Variants in LYPLAL1 observed in about 807,000 individuals in gnomAD.
LYPLAL1 encodes the protein lysophospholipase like 1.
LYPLAL1 carries 23 observed loss-of-function variants against 19.7 expected under a neutral mutation model. The observed-to-expected ratio is 1.17, with a 90% confidence interval of 0.84 to 1.65. The LOEUF is 1.65. LYPLAL1 is among the 40% of genes most tolerant of loss of function. The pLI, the probability that LYPLAL1 is intolerant of heterozygous loss-of-function variation, is 0.00. For synonymous variants in LYPLAL1, 119 were observed against 96.3 expected (o/e 1.24, Z -1.38); for missense variants, 355 against 279.4 (o/e 1.27, Z -1.93).
the LYPLAL1 span, among the ~76,000 whole-genome samples, chr1:219,363,772 G>A: frequency 6.6e-6 from 1 of 152,116 alleles, no homozygotes; most frequent in Non-Finnish European, 1.5e-5. Flanking sequence ...GGCAACCCAG[G>A]CCCAGGCTGC....
chr1:219,192,906 G>A (rs191880904), intron 2 of LYPLAL1, among the ~76,000 whole-genome samples, 176 bp from the exon 3 acceptor site: 3 of 151,848 alleles, frequency 2.0e-5, no homozygotes, highest in Non-Finnish European at 4.4e-5. Context: ...TTAGATACAA[G>A]TATGGGATAG....
the LYPLAL1 span, among the ~76,000 whole-genome samples, chr1:219,416,996 C>T: frequency 5.3e-5 from 8 of 152,198 alleles, no homozygotes; most frequent in African/African-American, 1.9e-4. Flanking sequence ...TAAAAGCATG[C>T]ACTACCAAAT....
At chr1:219,331,966 A>G in the LYPLAL1 span, among the ~76,000 whole-genome samples, 2 of 152,176 alleles carry the variant, frequency 1.3e-5, no homozygotes, top group Admixed American at 1.3e-4. Flanking sequence ...GCTAGGTTGC[A>G]TAGAATGCTA....
At chr1:219,360,035 C>A in the LYPLAL1 span, among the ~76,000 whole-genome samples, 1 of 152,130 alleles carries the variant, frequency 6.6e-6, no homozygotes, top group Non-Finnish European at 1.5e-5. Flanking sequence ...TTTCATGTAT[C>A]CCGAAACAGC....
the LYPLAL1 span, among the ~76,000 whole-genome samples, chr1:219,361,824 A>G: frequency 6.6e-6 from 1 of 152,174 alleles, no homozygotes; most frequent in Non-Finnish European, 1.5e-5. Flanking sequence ...GAGCTTGGAG[A>G]GAACTTCTGA....
chr1:219,421,631 T>C, the LYPLAL1 span, among the ~76,000 whole-genome samples: 6 of 152,120 alleles, frequency 3.9e-5, no homozygotes, highest in African/African-American at 9.7e-5. Context: ...CTCAAAGCCA[T>C]TGAAAAACAT....
the LYPLAL1 span, among the ~76,000 whole-genome samples, chr1:219,334,274 T>C: frequency 6.6e-6 from 1 of 152,034 alleles, no homozygotes; most frequent in African/African-American, 2.4e-5. Context: ...GAGAATAATA[T>C]CTGATCAATT....
the LYPLAL1 span, among the ~76,000 whole-genome samples, chr1:219,399,113 T>A: frequency 6.6e-6 from 1 of 152,138 alleles, no homozygotes; most frequent in African/African-American, 2.4e-5. Flanking sequence ...TGGGGGTGCC[T>A]GCCTCCATGT....
chr1:219,317,544 A>C, the LYPLAL1 span, among the ~76,000 whole-genome samples: 1 of 152,308 alleles, frequency 6.6e-6, no homozygotes, highest in South Asian at 2.1e-4. Context: ...ATATATATGA[A>C]CCCTGAAGAA....
chr1:219,189,259 G>A (rs1011972436), intron 2 of LYPLAL1, among the ~76,000 whole-genome samples: 3 of 151,602 alleles, frequency 2.0e-5, no homozygotes, highest in Non-Finnish European at 4.4e-5. Context: ...CACAGAAATA[G>A]CAGAGTAAAA....
chr1:219,274,448 C>T, the LYPLAL1 span, among the ~76,000 whole-genome samples: 88 of 152,196 alleles, frequency 5.8e-4, no homozygotes, highest in African/African-American at 2.1e-3. Flanking sequence ...TGCAGTGGTA[C>T]AATATCAGCT....
chr1:219,432,982 A>G, the LYPLAL1 span, among the ~76,000 whole-genome samples: 1 of 152,164 alleles, frequency 6.6e-6, no homozygotes. Context: ...CTCAAGGCTC[A>G]GGAAAGCTGC....
chr1:219,218,239 A>G, the LYPLAL1 span, among the ~76,000 whole-genome samples: 1 of 152,150 alleles, frequency 6.6e-6, no homozygotes, highest in African/African-American at 2.4e-5. Context: ...GTACTTTGAT[A>G]TGTAAAATAA....
chr1:219,275,074 A>G, the LYPLAL1 span, among the ~76,000 whole-genome samples: 2 of 152,116 alleles, frequency 1.3e-5, no homozygotes, highest in Non-Finnish European at 2.9e-5. Flanking sequence ...TTTTCAACAT[A>G]TTCTATTCTC....
At chr1:219,306,775 T>TAGATAGAC in the LYPLAL1 span, among the ~76,000 whole-genome samples, 1 of 150,680 alleles carries the variant, frequency 6.6e-6, no homozygotes, top group Non-Finnish European at 1.5e-5. Context: ...GATAGATAGA[T>TAGATAGAC]AGATAGATAG....
the LYPLAL1 span, among the ~76,000 whole-genome samples, chr1:219,427,710 C>G: frequency 6.6e-6 from 1 of 152,200 alleles, no homozygotes; most frequent in Non-Finnish European, 1.5e-5. Context: ...AGATGAGAAA[C>G]AGCATTACAA....
the LYPLAL1 span, among the ~76,000 whole-genome samples, chr1:219,390,576 A>G: frequency 6.6e-6 from 1 of 152,144 alleles, no homozygotes; most frequent in Non-Finnish European, 1.5e-5. Context: ...TAATTTGTCC[A>G]CAAGCTATTG....
the LYPLAL1 span, among the ~76,000 whole-genome samples, chr1:219,421,936 T>C: frequency 6.6e-6 from 1 of 152,216 alleles, no homozygotes; most frequent in Non-Finnish European, 1.5e-5. Flanking sequence ...TTTTGTGTAT[T>C]TCTCTTTCAC....
At chr1:219,353,478 C>T in the LYPLAL1 span, among the ~76,000 whole-genome samples, 4 of 152,198 alleles carry the variant, frequency 2.6e-5, no homozygotes, top group Admixed American at 6.5e-5. Context: ...AAGGTTTGTG[C>T]TTTCACCAAC....
Sources: allele counts gnomAD v4.1 joint callset (sites outside exome capture counted in the v4.1 genomes callset), GRCh38; gene constraint gnomAD v4.1.1; transcripts MANE v1.5; gene names NCBI Gene and HGNC (gene_info 2026-07-23, HGNC 2026-07-21).